DUS2: variants seen among roughly 807,000 people sequenced by gnomAD.
DUS2 encodes tRNA-dihydrouridine(20) synthase [NAD(P)+]-like.
DUS2 carries 52 observed loss-of-function variants against 71.3 expected under a neutral mutation model. That is an observed-to-expected ratio of 0.73 (90% CI 0.58 to 0.92). DUS2 has a LOEUF of 0.92. Ranked by LOEUF, DUS2 falls within the 40% of genes least tolerant of loss-of-function variation. DUS2 has a pLI of 0.00. For missense variants in DUS2, 558 were observed against 622.6 expected (o/e 0.90, Z 1.10); for synonymous variants, 204 against 227.8 (o/e 0.90, Z 0.94).
chr16:68,053,250 C>T (rs2033805999), intron 4 of DUS2, among the ~76,000 whole-genome samples: 1 of 152,224 alleles, frequency 6.6e-6, no homozygotes, highest in African/African-American at 2.4e-5. Flanking sequence ...CGTAAGCCAC[C>T]ATACCCGGCC....
intron 10 of DUS2, 34 bp downstream of exon 10, chr16:68,066,670 G>T (rs2034009511): frequency 6.2e-7 from 1 of 1,603,152 alleles, no homozygotes; most frequent in South Asian, 1.1e-5. Flanking sequence ...CTGGCAGGGA[G>T]GTCCTAACCC....
Position 68,079,133 on chromosome 16 carries a change from A to G in DUS2, c.*147A>G, listed in dbSNP as rs949758506. ...CTGGCAGGGGCCATCAGCCTAGAGC[A>G]TGGACCAGGGGCCGCCCAGGGGTGG... is the stretch of plus-strand genomic sequence containing the variant. On this transcript the variant is annotated 3_prime_UTR_variant, in exon 17 of 17. Transcript: ENST00000565263. The G allele has an allele frequency of 1.3e-6, 1 of 755,858 alleles. No individual in the cohort carries two copies. The highest frequency in any genetic ancestry group is 1.8e-5 in the African/African-American group (1 of 56,862). The allele number at this position is 755,858 out of a possible 1,614,324, so 46.8% of individuals were successfully genotyped here. A position where few individuals can be genotyped will look rare whatever the true frequency, so the allele number is the denominator to read the frequency against.
intron 3 of DUS2, among the ~76,000 whole-genome samples, chr16:68,041,879 CAT>C (rs1313200316): frequency 6.9e-6 from 1 of 144,058 alleles, no homozygotes; most frequent in Non-Finnish European, 1.5e-5. Context: ...TGACAAAAAA[CAT>C]ACAAGATTTA....
chr16:68,071,057 C>G lies in DUS2; in HGVS notation c.759C>G (p.Leu253=), dbSNP rs1395141851. The change falls in exon 12 of 17, where the codon CTC becomes CTG. Residue 253 remains leucine, a synonymous_variant. Coordinates refer to ENST00000565263, the MANE Select transcript of DUS2 (RefSeq NM_017803.5). ...RAAMWNPSIF[L]KEGLRPLEEV... ...CCATGTGGAACCCATCTATCTTCCTCAAGGAGGGTCTGCGGCCCCTGGAGG... is the reference window on the plus strand; with the variant it reads ...CCATGTGGAACCCATCTATCTTCCTGAAGGAGGGTCTGCGGCCCCTGGAGG... 2 of 1,614,100 alleles carry G rather than the reference C, an allele frequency of 1.2e-6. No homozygotes were observed. Among genetic ancestry groups the G allele is most frequent in the African/African-American group, 2.7e-5 (2 of 74,930 alleles).
chr16:68,024,600 C>G (rs533006493), intron 1 of DUS2, among the ~76,000 whole-genome samples: 1 of 152,228 alleles, frequency 6.6e-6, no homozygotes, highest in East Asian at 1.9e-4. Context: ...GAAAAACTTT[C>G]ACAATTTTAA....
intron 6 of DUS2, among the ~76,000 whole-genome samples, chr16:68,055,152 G>T (rs1245553520): frequency 6.6e-6 from 1 of 152,114 alleles, no homozygotes; most frequent in Non-Finnish European, 1.5e-5. Flanking sequence ...GCATATTGGG[G>T]GGAGCTGTTT....
chr16:68,078,497 A>T lies in DUS2; in HGVS notation c.1223A>T (p.Gln408Leu), dbSNP rs1281559469. Residue 408 changes from glutamine (Q) to leucine (L), a missense_variant, in exon 16 of 17, where the codon CAA becomes CTA. Coordinates refer to ENST00000565263, the MANE Select transcript of DUS2 (RefSeq NM_017803.5). ...TCCTCTATTGTCACCGTTGCTGAAC[A>T]AAAGTATCAGTCTACCTTGTGGTAA... ...LFSSIVTVAE[Q>L]KYQSTLWDKS... 6.2e-7 allele frequency: 1 copy of T among 1,614,098 alleles called. No individual in the cohort carries two copies. The highest frequency in any genetic ancestry group is 1.1e-5 in the South Asian group (1 of 91,088).
At chr16:68,040,198 A>G (rs189528181) in intron 3 of DUS2, among the ~76,000 whole-genome samples, 1 of 151,308 alleles carries the variant, frequency 6.6e-6, no homozygotes, top group Non-Finnish European at 1.5e-5. Context: ...GATTCTCCCA[A>G]CTCAGCCTCC....
At chr16:68,055,208 A>G (rs1196944753) in intron 6 of DUS2, among the ~76,000 whole-genome samples, 4 of 152,130 alleles carry the variant, frequency 2.6e-5, no homozygotes, top group Admixed American at 2.6e-4. Flanking sequence ...TCCCATGACT[A>G]TGAGTCCTGA....
intron 2 of DUS2, among the ~76,000 whole-genome samples, chr16:68,036,439 G>A (rs1162835137): frequency 6.6e-6 from 1 of 152,000 alleles, no homozygotes; most frequent in Non-Finnish European, 1.5e-5. Context: ...GGGATTACAG[G>A]CGTGAGCCAC....
At chr16:68,073,983 C>T (rs369345142) in intron 12 of DUS2, 51 bp from the exon 13 acceptor site, 32 of 1,610,336 alleles carry the variant, frequency 2.0e-5, no homozygotes, top group Non-Finnish European at 2.5e-5. Context: ...CAGAGCATAG[C>T]CCAGGCCTTA....
intron 8 of DUS2, among the ~76,000 whole-genome samples, chr16:68,064,699 C>T (rs2033982547): frequency 6.6e-6 from 1 of 152,216 alleles, no homozygotes; most frequent in South Asian, 2.1e-4. Context: ...AGACCTCAGG[C>T]CAAGTCTGCC....
rs777766642 is a variant in DUS2, at chr16:68,078,478, A to G, written c.1204A>G (p.Ile402Val). The G allele has an allele frequency of 2.5e-6, 4 of 1,614,014 alleles. No homozygotes were observed. The highest frequency in any genetic ancestry group is 3.4e-6 in the Non-Finnish European group (4 of 1,180,024). ...CCCTCTAGATCGCCTGTTCTCCTCT[A>G]TTGTCACCGTTGCTGAACAAAAGTA... is the stretch of plus-strand genomic sequence containing the variant. Reference protein sequence around the residue: ...QRPLDRLFSSIVTVAEQKYQS... With the variant: ...QRPLDRLFSSVVTVAEQKYQS... The change falls in exon 16 of 17, where the codon ATT becomes GTT. Residue 402 changes from isoleucine to valine, a missense_variant. Physicochemically the swap from Ile to Val is conservative, Grantham distance 29. Coordinates refer to ENST00000565263, the MANE Select transcript of DUS2 (RefSeq NM_017803.5).
At chr16:68,056,131 A>G (rs2033848215) in intron 6 of DUS2, among the ~76,000 whole-genome samples, 1 of 152,090 alleles carries the variant, frequency 6.6e-6, no homozygotes. Context: ...CCCTTTATAG[A>G]TGTGTGCACA....
Position 68,047,457 on chromosome 16 carries a change from TTTG to T in DUS2, c.127-2025_127-2023del, listed in dbSNP as rs567806198. 6.1e-4 allele frequency among the ~76,000 whole-genome samples: 93 copies of T among 151,824 alleles called. No homozygotes were observed. The East Asian group carries it at 0.012, about 19-fold the overall frequency. ...GTTAATATTTTCAAATAACAAAGTT[TTTG>T]TTGTTGTTGTTGTTGTTGTTGTCAT... On this transcript the variant is annotated intron_variant, in intron 3 of 16. Coordinates refer to ENST00000565263, the MANE Select transcript of DUS2 (RefSeq NM_017803.5).
chr16:68,070,344 A>G (rs1233307055), intron 11 of DUS2, 124 bp downstream of exon 11: 6 of 820,574 alleles, frequency 7.3e-6, no homozygotes, highest in East Asian at 2.6e-5. Context: ...AGGGCTTTCC[A>G]CAAGACCCCA....
chr16:68,059,642 C>T (rs2033911529), intron 7 of DUS2, among the ~76,000 whole-genome samples: 2 of 152,198 alleles, frequency 1.3e-5, no homozygotes. Context: ...TCCAATTTAT[C>T]ATCCTTAAAC....
chr16:68,023,372 G>T, intron 1 of DUS2, 21 bp downstream of exon 1: 1 of 818,806 alleles, frequency 1.2e-6, no homozygotes, highest in Non-Finnish European at 1.9e-6. Context: ...CCGAATAGGG[G>T]ATGGCGACAT....
chr16:68,030,311 A>C (rs1472855271), intron 2 of DUS2, among the ~76,000 whole-genome samples: 2 of 151,732 alleles, frequency 1.3e-5, no homozygotes, highest in Non-Finnish European at 2.9e-5. Flanking sequence ...ACCCCACCGG[A>C]GGCCAGGAGT....
Sources: gnomAD v4.1 joint callset for allele counts (sites outside exome capture counted in the v4.1 genomes callset) on GRCh38, gnomAD v4.1.1 for gene constraint, MANE v1.5 for transcripts, NCBI Gene and HGNC (gene_info 2026-07-23, HGNC 2026-07-21) for gene names.